GRIP1: variants seen among roughly 807,000 people sequenced by gnomAD.
GRIP1 encodes glutamate receptor-interacting protein 1.
Under a neutral mutation model 129.9 loss-of-function variants are expected in GRIP1, and 45 were observed. The observed-to-expected ratio is 0.35, with a 90% CI of 0.27 to 0.44. GRIP1 has a LOEUF of 0.44. Ranked by LOEUF, GRIP1 falls within the 20% of genes least tolerant of loss-of-function variation. The pLI, the probability that GRIP1 is intolerant of heterozygous loss-of-function variation, is 1.00. For missense variants in GRIP1, 1,196 were observed against 1,396.8 expected (o/e 0.86, Z 2.29); for synonymous variants, 530 against 520.8 (o/e 1.02, Z -0.24).
chr12:66,948,747 A>G (rs1322526670), intron 1 of GRIP1, among the ~76,000 whole-genome samples: 1 of 152,250 alleles, frequency 6.6e-6, no homozygotes. Flanking sequence ...AAATGGAAGA[A>G]GAGAAAGAAA....
Position 66,965,606 on chromosome 12 carries a change from T to C in GRIP1, c.58+103444A>G, listed in dbSNP as rs373141322. 5.3e-4 allele frequency among the ~76,000 whole-genome samples: 76 copies of C among 143,020 alleles called. 1 individual carries two copies. The highest frequency in any genetic ancestry group is 1.9e-3 in the African/African-American group (70 of 37,412). 93.8% of individuals were successfully genotyped at this position (143,020 alleles called of 152,430 possible). Reference sequence around the variant, plus strand: ...GTGTGTGTGTGTGTGTGAGATATTATTACTAAAATGGGACTAACGGATTTT... The same window carrying C: ...GTGTGTGTGTGTGTGTGAGATATTACTACTAAAATGGGACTAACGGATTTT... On this transcript the variant is annotated intron_variant, in intron 1 of 1. Coordinates refer to the GRIP1 transcript ENST00000643019.
intron 1 of GRIP1, among the ~76,000 whole-genome samples, chr12:67,044,774 A>G (rs755584160): frequency 7.9e-5 from 12 of 152,190 alleles, no homozygotes; most frequent in Non-Finnish European, 1.6e-4. Flanking sequence ...AAATTAAAGA[A>G]TTGTACAAAA....
intron 1 of GRIP1, among the ~76,000 whole-genome samples, chr12:66,916,109 T>A (rs1166129368): frequency 2.0e-5 from 3 of 152,222 alleles, no homozygotes; most frequent in African/African-American, 7.2e-5. Flanking sequence ...CTATGGGTCC[T>A]AAGTATGCCC....
At chr12:66,900,681 G>GGAAGGGGCAAAAAGAGGAGGAAGAAT (rs2040830616) in intron 1 of GRIP1, among the ~76,000 whole-genome samples, 1 of 152,156 alleles carries the variant, frequency 6.6e-6, no homozygotes, top group African/African-American at 2.4e-5. Context: ...GGAGGAAGAA[G>GGAAGGGGCAAAAAGAGGAGGAAGAAT]GGAAGGGCCA....
At chr12:66,386,080 C>T (rs962001688) in intron 19 of GRIP1, among the ~76,000 whole-genome samples, 1 of 152,014 alleles carries the variant, frequency 6.6e-6, no homozygotes, top group African/African-American at 2.4e-5. Flanking sequence ...GAAAACAGGT[C>T]TTCATAAAAA....
intron 1 of GRIP1, among the ~76,000 whole-genome samples, chr12:67,039,335 T>C (rs906826468): frequency 3.3e-5 from 5 of 152,282 alleles, no homozygotes; most frequent in African/African-American, 9.6e-5. Flanking sequence ...TTCCATATAC[T>C]ATCAGAAATG....
chr12:66,721,728 A>G (rs1286612806), intron 1 of GRIP1, among the ~76,000 whole-genome samples: 1 of 152,204 alleles, frequency 6.6e-6, no homozygotes, highest in Non-Finnish European at 1.5e-5. Flanking sequence ...CTTCTGATAT[A>G]AGGCTGCTTA....
Position 66,379,355 on chromosome 12 carries a change from A to C in GRIP1, c.2546T>G (p.Val849Gly), listed in dbSNP as rs1351538847. The change falls in exon 20 of 25, where the codon GTC becomes GGC. Residue 849 changes from valine (V) to glycine (G), a missense_variant. Around this residue, in one of 5 missense-constraint regions of GRIP1, gnomAD observed 427 missense variants for 463.3 expected, o/e 0.92. Transcript: ENST00000359742. ...SPKQRGSLSPVTKPRSQTYPD... is the reference protein window; with the variant it reads ...SPKQRGSLSPGTKPRSQTYPD... ...GTAAGTCTGGCTTCGAGGCTTAGTGACTGGGGACAAGCTGCCTCTCTGTTT... is the reference window on the plus strand; with the variant it reads ...GTAAGTCTGGCTTCGAGGCTTAGTGCCTGGGGACAAGCTGCCTCTCTGTTT... The C allele has an allele frequency of 1.9e-6, 3 of 1,613,892 alleles. No individual in the cohort carries two copies. Among genetic ancestry groups the C allele is most frequent in the Non-Finnish European group, 2.5e-6 (3 of 1,179,918 alleles).
chr12:66,514,579 A>G (rs2060791269), intron 7 of GRIP1, among the ~76,000 whole-genome samples: 1 of 152,132 alleles, frequency 6.6e-6, no homozygotes, highest in Non-Finnish European at 1.5e-5. Flanking sequence ...GGAGAGAGGA[A>G]AAAAGCAAGG....
At chr12:66,794,045 A>AT (rs2038625215) in intron 1 of GRIP1, among the ~76,000 whole-genome samples, 1 of 152,164 alleles carries the variant, frequency 6.6e-6, no homozygotes, top group Non-Finnish European at 1.5e-5. Context: ...GAATCTTATA[A>AT]AGTATAAACA....
chr12:66,686,181 C>G (rs2034777509), intron 1 of GRIP1, among the ~76,000 whole-genome samples: 1 of 152,138 alleles, frequency 6.6e-6, no homozygotes, highest in African/African-American at 2.4e-5. Flanking sequence ...TTGTGCCCAC[C>G]TTTCCAGAGC....
chr12:66,485,070 G>A (rs898772842), intron 7 of GRIP1, among the ~76,000 whole-genome samples: 7 of 152,174 alleles, frequency 4.6e-5, no homozygotes, highest in Non-Finnish European at 1.0e-4. Context: ...GGGTCACAGG[G>A]TATGCGTATG....
chr12:66,515,650 T>C lies in GRIP1; in HGVS notation c.693A>G (p.Ala231=), dbSNP rs747159144. 2.5e-6 allele frequency: 4 copies of C among 1,613,624 alleles called. No individual in the cohort carries two copies. In the South Asian group the frequency reaches 4.4e-5, roughly 18 times the overall value. ...CTGAGACATCATATTCTATCAGCAG[T>C]GCTGCTTCTTGTCCACATTGTTTAA... ...SILKQCGQEA[A]LLIEYDVSVM... is the part of the protein sequence containing the mutation. Residue 231 remains alanine, a synonymous_variant, in exon 7 of 25, where the codon GCA becomes GCG. Coordinates refer to ENST00000359742, the MANE Select transcript of GRIP1 (RefSeq NM_001366722.1).
chr12:66,575,817 T>C (rs1306817174), intron 2 of GRIP1, among the ~76,000 whole-genome samples: 3 of 152,170 alleles, frequency 2.0e-5, no homozygotes, highest in Non-Finnish European at 2.9e-5. Flanking sequence ...ATGTTGTACC[T>C]CCAGTGGCTT....
chr12:66,827,385 TGTGA>T (rs1347243383), intron 1 of GRIP1, among the ~76,000 whole-genome samples: 7,704 of 71,372 alleles, frequency 0.11, 640 homozygotes, highest in African/African-American at 0.29. Flanking sequence ...TGTGTGTGTG[TGTGA>T]GAGAGAGAGA....
chr12:66,384,818 G>GTTGCTTAAATGCCATCACTTAAATT (rs2056281883), intron 19 of GRIP1, among the ~76,000 whole-genome samples: 1 of 152,218 alleles, frequency 6.6e-6, no homozygotes, highest in South Asian at 2.1e-4. Flanking sequence ...AAATCCTGAT[G>GTTGCTTAAATGCCATCACTTAAATT]TTGCTTAAAT....
At chr12:66,674,447 T>A (rs964503077) in intron 1 of GRIP1, among the ~76,000 whole-genome samples, 5 of 152,156 alleles carry the variant, frequency 3.3e-5, no homozygotes, top group African/African-American at 1.2e-4. Context: ...GACAAAACAT[T>A]TAAATGTGTT....
At position 66,432,550 on chromosome 12, in the gene GRIP1, C is replaced by A. The variant is rs575581022; in HGVS notation, c.1766G>T (p.Ser589Ile). ...KHNVELGITISSPSSRKPGDP... is the reference protein window; with the variant it reads ...KHNVELGITIISPSSRKPGDP... Reference sequence around the variant, plus strand: ...TAAAAGAAATAACTTCTACTTACAACTTATGGTTATTCCAAGTTCCACATT... The same window carrying A: ...TAAAAGAAATAACTTCTACTTACAAATTATGGTTATTCCAAGTTCCACATT... The change falls in exon 14 of 25, where the codon AGT becomes ATT. Residue 589 changes from serine (S) to isoleucine (I), a missense_variant and splice_region_variant. By Grantham distance (142) the Ser-to-Ile change is moderately radical. This residue lies in a region of GRIP1 where 508 missense variants were observed against 587.0 expected (regional missense o/e 0.87). Transcript: ENST00000359742. 6.4e-7 allele frequency: 1 copy of A among 1,559,266 alleles called. No individual in the cohort carries two copies. Among genetic ancestry groups the A allele is most frequent in the Non-Finnish European group, 8.8e-7 (1 of 1,131,552 alleles).
chr12:67,054,915 T>C (rs993743731), intron 1 of GRIP1, among the ~76,000 whole-genome samples: 2 of 152,154 alleles, frequency 1.3e-5, no homozygotes, highest in African/African-American at 4.8e-5. Context: ...CTGAATAAAG[T>C]ACTTCCAGTA....
Sources: allele counts gnomAD v4.1 joint callset (sites outside exome capture counted in the v4.1 genomes callset), GRCh38; gene constraint gnomAD v4.1.1; regional missense constraint gnomAD v4.1.1; transcripts MANE v1.5; gene names NCBI Gene and HGNC (gene_info 2026-07-23, HGNC 2026-07-21).